Variants in GPC5 observed in about 807,000 individuals in gnomAD.
The protein encoded by GPC5 is glypican-5.
In GPC5, 47 loss-of-function variants were observed where a neutral mutation model predicts 53.9. The observed-to-expected ratio is 0.87, with a 90% CI of 0.69 to 1.11. The LOEUF is 1.11. Ranked by LOEUF, GPC5 falls within the 50% of genes most tolerant of loss-of-function variation. The pLI, the probability that GPC5 is intolerant of heterozygous loss-of-function variation, is 0.00. For synonymous variants in GPC5, 286 were observed against 263.3 expected (o/e 1.09, Z -0.84); for missense variants, 748 against 713.1 (o/e 1.05, Z -0.56).
chr13:92,459,924 G>T (rs1566599927), intron 7 of GPC5, among the ~76,000 whole-genome samples: 1 of 151,906 alleles, frequency 6.6e-6, no homozygotes, highest in East Asian at 1.9e-4. Flanking sequence ...GCTAGATTGT[G>T]GTTTCTTTGA....
At chr13:92,009,574 A>T (rs1003235115) in intron 6 of GPC5, among the ~76,000 whole-genome samples, 1 of 152,118 alleles carries the variant, frequency 6.6e-6, no homozygotes, top group East Asian at 1.9e-4. Context: ...ACACATATGC[A>T]GCTTTTATAT....
intron 5 of GPC5, among the ~76,000 whole-genome samples, chr13:91,757,518 C>T (rs562822079): frequency 3.3e-5 from 5 of 152,122 alleles, no homozygotes; most frequent in South Asian, 4.2e-4. Flanking sequence ...ATGGTTTCCC[C>T]GATCCTGTTC....
At position 92,281,185 on chromosome 13, in the gene GPC5, C is replaced by A. The variant is rs2042912653; in HGVS notation, c.1561+136196C>A. 3.9e-5 allele frequency among the ~76,000 whole-genome samples: 6 copies of A among 152,286 alleles called. No homozygotes were observed. In the South Asian group the frequency reaches 1.2e-3, roughly 32 times the overall value. Reference sequence around the variant, plus strand: ...AGTCTGAGATGGAACTACAAGGCGTCAGCAAGGCTGGGGTAGGGGAGCCTG... The same window carrying A: ...AGTCTGAGATGGAACTACAAGGCGTAAGCAAGGCTGGGGTAGGGGAGCCTG... On this transcript the variant is annotated intron_variant, in intron 7 of 7. Transcript: ENST00000377067.
intron 7 of GPC5, among the ~76,000 whole-genome samples, chr13:92,655,325 A>ATTTATTTAT (rs1886092184): frequency 7.3e-6 from 1 of 136,442 alleles, no homozygotes; most frequent in Admixed American, 7.3e-5. Context: ...TTATTTATTT[A>ATTTATTTAT]TTTATTTTAT....
Position 91,883,868 on chromosome 13 carries a change from C to T in GPC5, c.1281-24069C>T, listed in dbSNP as rs542493713. On this transcript the variant is annotated intron_variant, in intron 5 of 7. Transcript: ENST00000377067. Reference sequence around the variant, plus strand: ...ACTCGTGTCATGGGGGTTTGTTGTACGGATTATTCCATTACCCACATAGTA... The same window carrying T: ...ACTCGTGTCATGGGGGTTTGTTGTATGGATTATTCCATTACCCACATAGTA... Among the ~76,000 whole-genome samples, 88 of 152,078 alleles carry T rather than the reference C, an allele frequency of 5.8e-4. No individual in the cohort carries two copies. The South Asian group carries it at 0.014, about 24-fold the overall frequency.
At chr13:91,483,871 A>G (rs1035418197) in intron 2 of GPC5, among the ~76,000 whole-genome samples, 1 of 152,188 alleles carries the variant, frequency 6.6e-6, no homozygotes, top group Non-Finnish European at 1.5e-5. Context: ...CTAGGATGTT[A>G]TTCTAGGTCA....
At chr13:91,487,194 A>T (rs648167) in intron 2 of GPC5, among the ~76,000 whole-genome samples, 1 of 152,080 alleles carries the variant, frequency 6.6e-6, no homozygotes, top group East Asian at 1.9e-4. Context: ...AGATGGGGGG[A>T]AGTCACGGGT....
At chr13:91,993,910 C>A (rs75896650) in intron 6 of GPC5, among the ~76,000 whole-genome samples, 3 of 151,988 alleles carry the variant, frequency 2.0e-5, no homozygotes, top group African/African-American at 7.2e-5. Context: ...TGATACAGTA[C>A]GAAGTCCAAG....
chr13:91,618,964 T>G (rs918725005), intron 2 of GPC5, among the ~76,000 whole-genome samples: 2 of 152,116 alleles, frequency 1.3e-5, no homozygotes, highest in African/African-American at 4.8e-5. Flanking sequence ...CTATTTATAC[T>G]ACTACTATAG....
intron 6 of GPC5, among the ~76,000 whole-genome samples, chr13:92,110,355 A>C (rs576678656): frequency 6.6e-6 from 1 of 152,298 alleles, no homozygotes; most frequent in East Asian, 1.9e-4. Flanking sequence ...CTACCTGACA[A>C]GAAAGGTCTA....
intron 7 of GPC5, among the ~76,000 whole-genome samples, chr13:92,775,894 C>T (rs1875786741): frequency 6.6e-6 from 1 of 152,142 alleles, no homozygotes; most frequent in Admixed American, 6.5e-5. Flanking sequence ...AATCTTCATT[C>T]ACCACAAAAT....
chr13:92,601,448 G>A (rs776800730), intron 7 of GPC5, among the ~76,000 whole-genome samples: 54 of 151,402 alleles, frequency 3.6e-4, no homozygotes, highest in Admixed American at 7.2e-4. Flanking sequence ...CCAGCTACTC[G>A]GGAGGCTGAG....
chr13:92,603,112 A>G (rs1482218775), intron 7 of GPC5, among the ~76,000 whole-genome samples: 1 of 152,222 alleles, frequency 6.6e-6, no homozygotes, highest in African/African-American at 2.4e-5. Flanking sequence ...ATTGTTGACC[A>G]TAAATCCCAC....
At chr13:92,581,656 G>A (rs1883374132) in intron 7 of GPC5, among the ~76,000 whole-genome samples, 1 of 152,062 alleles carries the variant, frequency 6.6e-6, no homozygotes, top group Non-Finnish European at 1.5e-5. Flanking sequence ...TTTCCATAAT[G>A]ATTGTACCAC....
intron 5 of GPC5, among the ~76,000 whole-genome samples, chr13:91,843,749 G>A (rs1239448426): frequency 6.6e-6 from 1 of 152,132 alleles, no homozygotes; most frequent in East Asian, 1.9e-4. Flanking sequence ...GATGCATCTG[G>A]AATGTTTCTA....
chr13:91,859,425 T>C (rs1339526104), intron 5 of GPC5, among the ~76,000 whole-genome samples: 1 of 151,938 alleles, frequency 6.6e-6, no homozygotes, highest in Admixed American at 6.6e-5. Flanking sequence ...GAGGCTACTA[T>C]GAGCAACCAT....
intron 7 of GPC5, among the ~76,000 whole-genome samples, chr13:92,586,689 G>A (rs1158759112): frequency 6.6e-6 from 1 of 152,094 alleles, no homozygotes; most frequent in Admixed American, 6.6e-5. Flanking sequence ...CCAAATAGAT[G>A]GTTGTGAATA....
chr13:91,620,115 T>A (rs1376204171), intron 2 of GPC5, among the ~76,000 whole-genome samples: 1 of 152,108 alleles, frequency 6.6e-6, no homozygotes, highest in Non-Finnish European at 1.5e-5. Context: ...TTTCTTCCCT[T>A]TCATCTTTCC....
intron 4 of GPC5, among the ~76,000 whole-genome samples, chr13:91,746,131 A>G (rs1203341317): frequency 6.6e-6 from 1 of 152,228 alleles, no homozygotes; most frequent in Non-Finnish European, 1.5e-5. Flanking sequence ...GGAGACTGAC[A>G]TTTTAAACGT....
Sources: allele counts gnomAD v4.1 joint callset (sites outside exome capture counted in the v4.1 genomes callset), GRCh38; gene constraint gnomAD v4.1.1; transcripts MANE v1.5; gene names NCBI Gene and HGNC (gene_info 2026-07-23, HGNC 2026-07-21).